HDAC4: variants seen among roughly 807,000 people sequenced by gnomAD.
HDAC4 encodes histone deacetylase A.
HDAC4 carries 16 observed loss-of-function variants against 135.1 expected under a neutral mutation model. That is an observed-to-expected ratio of 0.12 (90% CI 0.08 to 0.18). The LOEUF (loss-of-function observed/expected upper bound fraction) is 0.18. HDAC4 is among the 10% of genes least tolerant of loss of function. The probability of loss-of-function intolerance (pLI) is 1.00; values close to 1 mark genes in which losing one functional copy is unlikely to be tolerated. For synonymous variants in HDAC4, 685 were observed against 653.4 expected (o/e 1.05, Z -0.74); for missense variants, 1,143 against 1,511.8 (o/e 0.76, Z 4.05).
chr2:239,090,442 T>C (rs2036403187), intron 17 of HDAC4, among the ~76,000 whole-genome samples: 2 of 151,684 alleles, frequency 1.3e-5, no homozygotes, highest in South Asian at 4.2e-4. Flanking sequence ...TTTTTTTTTT[T>C]TTTTTTTTTA....
chr2:239,132,806 G>A (rs1028960615), intron 11 of HDAC4, among the ~76,000 whole-genome samples: 1 of 152,216 alleles, frequency 6.6e-6, no homozygotes, highest in African/African-American at 2.4e-5. Context: ...CATCTCTGAC[G>A]AAGTGAATCC....
At chr2:239,136,221 G>A (rs986739883) in intron 9 of HDAC4, among the ~76,000 whole-genome samples, 3 of 152,148 alleles carry the variant, frequency 2.0e-5, no homozygotes, top group Non-Finnish European at 4.4e-5. Context: ...ATAGATAACA[G>A]ATTTCATTAT....
At chr2:239,254,525 T>C (rs1276363638) in intron 2 of HDAC4, among the ~76,000 whole-genome samples, 3 of 151,832 alleles carry the variant, frequency 2.0e-5, no homozygotes, top group Non-Finnish European at 4.4e-5. Flanking sequence ...TTTCTATAAT[T>C]GAGAAGAACA....
chr2:239,265,515 C>T (rs1044377987), intron 2 of HDAC4, among the ~76,000 whole-genome samples: 2 of 152,236 alleles, frequency 1.3e-5, no homozygotes, highest in Admixed American at 1.3e-4. Flanking sequence ...GCATGTGGGA[C>T]AGGTGAAGAG....
At chr2:239,212,583 GC>G (rs979753866) in intron 3 of HDAC4, among the ~76,000 whole-genome samples, 2 of 152,092 alleles carry the variant, frequency 1.3e-5, no homozygotes, top group African/African-American at 4.8e-5. Context: ...CATCCCTTCT[GC>G]CCCCCATACA....
chr2:239,269,697 G>A (rs567647142), intron 2 of HDAC4, among the ~76,000 whole-genome samples: 7 of 152,270 alleles, frequency 4.6e-5, no homozygotes, highest in African/African-American at 1.7e-4. Context: ...CGGGACTGCC[G>A]GGTCACCGTG....
At chr2:239,397,400 C>G (rs915487436) in intron 1 of HDAC4, among the ~76,000 whole-genome samples, 1 of 152,228 alleles carries the variant, frequency 6.6e-6, no homozygotes, top group Admixed American at 6.5e-5. Context: ...GAGCACGTGA[C>G]AGCTGCTCGT....
chr2:239,170,735 T>C (rs1246220072), intron 5 of HDAC4, among the ~76,000 whole-genome samples: 5 of 152,162 alleles, frequency 3.3e-5, no homozygotes, highest in Admixed American at 6.5e-5. Flanking sequence ...TAGGGCAGCA[T>C]GGAACACCAG....
intron 2 of HDAC4, among the ~76,000 whole-genome samples, chr2:239,275,713 C>T (rs1479282293): frequency 6.6e-6 from 1 of 152,106 alleles, no homozygotes; most frequent in Non-Finnish European, 1.5e-5. Flanking sequence ...CTCTGCAGTG[C>T]CTGGTCCCAC....
At chr2:239,367,002 C>T (rs976419692) in intron 1 of HDAC4, among the ~76,000 whole-genome samples, 1 of 136,858 alleles carries the variant, frequency 7.3e-6, no homozygotes, top group Non-Finnish European at 1.5e-5. Context: ...TGAAAGCCTC[C>T]GTCACTGACA....
chr2:239,373,329 C>T (rs1045014331), intron 1 of HDAC4, among the ~76,000 whole-genome samples: 3 of 152,154 alleles, frequency 2.0e-5, no homozygotes, highest in Non-Finnish European at 2.9e-5. Context: ...GGGCATCTCC[C>T]TGGGGGCTGG....
In HDAC4 at chr2:239,240,404, T is replaced by G. The variant is rs2048112198; in HGVS notation, c.23-3740A>C. ...TATTCCAGAGTGAGTTAAAATGAAATTAGTGATGAGAGGTGGAATTTCCAT... is the reference window on the plus strand; with the variant it reads ...TATTCCAGAGTGAGTTAAAATGAAAGTAGTGATGAGAGGTGGAATTTCCAT... On this transcript the variant is annotated intron_variant, in intron 2 of 26. Transcript: ENST00000543185. This position sits in a 1 kb window ranked among gnomAD's most constrained non-coding sequence, Gnocchi z 4.5. Among the ~76,000 whole-genome samples, 1 of 152,188 alleles carries G rather than the reference T, an allele frequency of 6.6e-6. No homozygotes were observed. The highest frequency in any genetic ancestry group is 1.5e-5 in the Non-Finnish European group (1 of 68,032).
chr2:239,255,003 C>A (rs2048977331), intron 2 of HDAC4, among the ~76,000 whole-genome samples: 1 of 152,162 alleles, frequency 6.6e-6, no homozygotes, highest in African/African-American at 2.4e-5. Context: ...AAAGACACAG[C>A]AACCTGCAAT....
chr2:239,100,443 T>C (rs1481480884), intron 16 of HDAC4, among the ~76,000 whole-genome samples: 2 of 152,244 alleles, frequency 1.3e-5, no homozygotes, highest in Non-Finnish European at 2.9e-5. Context: ...TCCACTGAAC[T>C]TGTCCACGTT....
chr2:239,117,558 G>T (rs1283599433), intron 12 of HDAC4, among the ~76,000 whole-genome samples: 1 of 100,312 alleles, frequency 1.0e-5, no homozygotes, highest in African/African-American at 4.2e-5. Context: ...AGGGATGCGG[G>T]AAGTGGCAAA....
chr2:239,261,036 G>A (rs1322896697), intron 2 of HDAC4, among the ~76,000 whole-genome samples: 7 of 152,180 alleles, frequency 4.6e-5, no homozygotes, highest in African/African-American at 1.7e-4. Context: ...ACCTAAACTC[G>A]ATGCGGCACT....
intron 2 of HDAC4, among the ~76,000 whole-genome samples, chr2:239,274,063 C>T (rs1043048023): frequency 6.6e-6 from 1 of 152,228 alleles, no homozygotes; most frequent in Non-Finnish European, 1.5e-5. Context: ...CCTGGCCCTG[C>T]TCAGCCATCG....
chr2:239,237,943 C>T (rs762175869), intron 2 of HDAC4, among the ~76,000 whole-genome samples: 20 of 152,204 alleles, frequency 1.3e-4, no homozygotes, highest in Non-Finnish European at 2.5e-4. Context: ...TGGGCATATT[C>T]GGAGGCAAAA....
chr2:239,186,059 G>A (rs1380993759), intron 4 of HDAC4, among the ~76,000 whole-genome samples: 2 of 151,784 alleles, frequency 1.3e-5, no homozygotes, highest in African/African-American at 2.4e-5. Context: ...CAAAAACACA[G>A]AAGTGCAAGA....
Sources: gnomAD v4.1 joint callset for allele counts (sites outside exome capture counted in the v4.1 genomes callset) on GRCh38, gnomAD v4.1.1 for gene constraint, Gnocchi (gnomAD v3.1) non-coding constraint, MANE v1.5 for transcripts, NCBI Gene and HGNC (gene_info 2026-07-23, HGNC 2026-07-21) for gene names.